The following PTK7 variants were observed in gnomAD, a reference collection of about 807,000 sequenced individuals.
PTK7 encodes the protein inactive tyrosine-protein kinase 7.
PTK7 carries 39 observed loss-of-function variants against 116.6 expected under a neutral mutation model. That is an observed-to-expected ratio of 0.33 (90% CI 0.26 to 0.44). PTK7 has a LOEUF of 0.44. Among genes scored for constraint, PTK7 ranks in the 20% least tolerant of loss-of-function variants. The pLI is 1.00. For missense variants in PTK7, 1,169 were observed against 1,425.6 expected, an observed-to-expected ratio of 0.82 and a Z score of 2.90; for synonymous variants, 546 against 563.6, an observed-to-expected ratio of 0.97 and a Z score of 0.44.
At chr6:43,109,811 G>A (rs1768091134) in intron 1 of PTK7, among the ~76,000 whole-genome samples, 1 of 150,800 alleles carries the variant, frequency 6.6e-6, no homozygotes, top group African/African-American at 2.4e-5. Flanking sequence ...CCATTCTCCT[G>A]GCTTAGCCTC....
intron 13 of PTK7, 144 bp downstream of exon 13, chr6:43,142,443 GCA>G (rs1770476501): frequency 7.9e-7 from 1 of 1,272,574 alleles, no homozygotes; most frequent in Non-Finnish European, 1.1e-6. Flanking sequence ...CCATGCTGCT[GCA>G]CAGTCTTAGA....
rs1449756845 is a variant in PTK7, at chr6:43,143,451, C to T, written c.2082C>T (p.Gly694=). 6.2e-7 allele frequency: 1 copy of T among 1,613,998 alleles called. No individual in the cohort carries two copies. The highest frequency in any genetic ancestry group is 1.1e-5 in the South Asian group (1 of 91,082). The part of the protein sequence containing the change: ...KPVPEESEGP[G]SPPPYKMIQT... ...TGCCGGAGGAGTCGGAGGGCCCTGGCAGCCCTCCCCCCTACAAGATGATCC... is the reference window on the plus strand; with the variant it reads ...TGCCGGAGGAGTCGGAGGGCCCTGGTAGCCCTCCCCCCTACAAGATGATCC... The change falls in exon 14 of 20, where the codon GGC becomes GGT. Residue 694 remains glycine, a synonymous_variant. Coordinates refer to ENST00000230419, the MANE Select transcript of PTK7 (RefSeq NM_002821.5). The surrounding 1 kb of genome is among the most constrained non-coding windows in gnomAD (Gnocchi z 4.2).
At chr6:43,108,648 C>G (rs759208736) in intron 1 of PTK7, among the ~76,000 whole-genome samples, 6 of 151,164 alleles carry the variant, frequency 4.0e-5, no homozygotes, top group African/African-American at 1.2e-4. Context: ...GCGATCCACC[C>G]GCCTCGGCCT....
At chr6:43,125,271 C>T (rs781359567) in intron 1 of PTK7, among the ~76,000 whole-genome samples, 7 of 152,344 alleles carry the variant, frequency 4.6e-5, no homozygotes, top group African/African-American at 7.2e-5. Context: ...GAGGCCCCCT[C>T]GGGGCCAGCT....
At chr6:43,109,202 T>C (rs932241194) in intron 1 of PTK7, among the ~76,000 whole-genome samples, 4 of 152,242 alleles carry the variant, frequency 2.6e-5, no homozygotes, top group Admixed American at 1.3e-4. Flanking sequence ...CCTGAACCTT[T>C]TTATTTATCT....
Position 43,146,653 on chromosome 6 carries a change from C to G in PTK7, c.2676C>G (p.Ser892Arg). Reference sequence around the variant, plus strand: ...AGCAGTTCCTGAGGATTTCCAAGAGCAAGGATGAAAAATTGAAGTCACAGC... The same window carrying G: ...AGCAGTTCCTGAGGATTTCCAAGAGGAAGGATGAAAAATTGAAGTCACAGC... ...DLKQFLRISKSKDEKLKSQPL... is the reference protein window; with the variant it reads ...DLKQFLRISKRKDEKLKSQPL... The change falls in exon 17 of 20, where the codon AGC (serine) becomes AGG (arginine). Residue 892 changes from serine to arginine, a missense_variant. Around this residue, in one of 3 missense-constraint regions of PTK7, gnomAD observed 678 missense variants for 853.8 expected, o/e 0.79. Transcript: ENST00000230419. The G allele has an allele frequency of 6.2e-7, 1 of 1,613,440 alleles. No individual in the cohort carries two copies. The highest frequency in any genetic ancestry group is 8.5e-7 in the Non-Finnish European group (1 of 1,179,904).
intron 10 of PTK7, among the ~76,000 whole-genome samples, chr6:43,140,731 T>A (rs1316827604): frequency 6.6e-6 from 1 of 152,082 alleles, no homozygotes; most frequent in African/African-American, 2.4e-5. Context: ...GTACAAAAAA[T>A]TTAAAAATTA....
In PTK7 at chr6:43,143,521, G is replaced by A; in HGVS notation, c.2152G>A (p.Ala718Thr). ...GGGTGCCGCTGTGGCCTACATCATT[G>A]CCGTGCTGGGCCTCATGTTCTACTG... ...SVGAAVAYII[A>T]VLGLMFYCKK... Residue 718 changes from alanine to threonine, a missense_variant, in exon 14 of 20, where the codon GCC becomes ACC. By Grantham distance (58) the Ala-to-Thr change is moderately conservative (BLOSUM62 0). Coordinates refer to ENST00000230419, the MANE Select transcript of PTK7 (RefSeq NM_002821.5). The surrounding 1 kb of genome is among the most constrained non-coding windows in gnomAD (Gnocchi z 4.2). 6.2e-7 allele frequency: 1 copy of A among 1,614,136 alleles called. No homozygotes were observed. The highest frequency in any genetic ancestry group is 8.5e-7 in the Non-Finnish European group (1 of 1,180,034).
chr6:43,118,975 G>A (rs1442098589), intron 1 of PTK7, among the ~76,000 whole-genome samples: 1 of 151,616 alleles, frequency 6.6e-6, no homozygotes, highest in Non-Finnish European at 1.5e-5. Context: ...TGCCCAGGCT[G>A]GTCTCAAACT....
chr6:43,140,174 C>T (rs1191472318), intron 10 of PTK7, among the ~76,000 whole-genome samples: 5 of 152,128 alleles, frequency 3.3e-5, no homozygotes, highest in South Asian at 4.1e-4. Context: ...AGAGGCCGGG[C>T]GTGGTGGCTC....
At position 43,129,709 on chromosome 6, in the gene PTK7, C is replaced by A. The variant is rs1302330979; in HGVS notation, c.368-18C>A. ...TGCCCTGCTCTGCCCCTCACTGCAA[C>A]CGTGGCCTCTGCTACAGGGATTGAG... On this transcript the variant is annotated intron_variant, in intron 2 of 19. Transcript: ENST00000230419. This position sits in a 1 kb window ranked among gnomAD's most constrained non-coding sequence, Gnocchi z 4.5. The A allele has an allele frequency of 1.2e-6, 2 of 1,611,744 alleles. No individual in the cohort carries two copies. The highest frequency in any genetic ancestry group is 2.2e-5 in the East Asian group (1 of 44,862).
intron 1 of PTK7, among the ~76,000 whole-genome samples, chr6:43,081,702 G>GC (rs1184125146): frequency 6.6e-6 from 1 of 152,220 alleles, no homozygotes; most frequent in Admixed American, 6.5e-5. Context: ...ACTGCACCCA[G>GC]CCGATATAAC....
intron 7 of PTK7, among the ~76,000 whole-genome samples, chr6:43,138,309 C>T (rs1362774642): frequency 1.3e-5 from 2 of 152,100 alleles, no homozygotes; most frequent in Non-Finnish European, 2.9e-5. Flanking sequence ...CCACTCCCTG[C>T]CTACCATAGG....
chr6:43,148,887 C>T (rs1770883413), intron 17 of PTK7, among the ~76,000 whole-genome samples: 1 of 150,802 alleles, frequency 6.6e-6, no homozygotes, highest in Admixed American at 6.6e-5. Flanking sequence ...GGTGAAACCC[C>T]GTCTCTACTA....
chr6:43,130,293 C>T lies in PTK7; in HGVS notation c.534C>T (p.Val178=), dbSNP rs760032225. The T allele has an allele frequency of 1.2e-5, 19 of 1,611,148 alleles. No homozygotes were observed. The highest frequency in any genetic ancestry group is 1.4e-5 in the Non-Finnish European group (16 of 1,178,112). The change falls in exon 4 of 20, where the codon GTC becomes GTT. Residue 178 remains valine, a synonymous_variant. Transcript: ENST00000230419. ...CTGATGGTCAGAGCAACCACACAGT[C>T]AGCAGCAAGGAGCGGAACCTGACGC... ...PLSDGQSNHT[V]SSKERNLTLR... is the part of the protein sequence containing the mutation.
rs1315693504 is a variant in PTK7 at position 43,139,512 on chromosome 6, G to A, written c.1605G>A (p.Lys535=). ...CAGGCCGAGAGAAGCCCACTATTAA[G>A]TGGGAACGGGCAGGTGGGTACAGTG... is the stretch of plus-strand genomic sequence containing the variant. The part of the protein sequence containing the change: ...SATGREKPTI[K]WERADGSSLP... The change falls in exon 10 of 20, where the codon AAG becomes AAA. Residue 535 remains lysine (K), a synonymous_variant. Transcript: ENST00000230419. The surrounding 1 kb of genome is among the most constrained non-coding windows in gnomAD (Gnocchi z 4.6). 6.2e-7 allele frequency: 1 copy of A among 1,614,086 alleles called. No homozygotes were observed. The highest frequency in any genetic ancestry group is 1.7e-5 in the Admixed American group (1 of 60,002).
In PTK7 at chr6:43,132,084, G is replaced by C. The variant is rs748100799; in HGVS notation, c.881G>C (p.Arg294Pro). Reference sequence around the variant, plus strand: ...CTGCTGCTGACCCAGGTCCGGCCACGCAATGCAGGGATCTACCGCTGCATT... The same window carrying C: ...CTGCTGCTGACCCAGGTCCGGCCACCCAATGCAGGGATCTACCGCTGCATT... ...GSLLLTQVRP[R>P]NAGIYRCIGQ... Residue 294 changes from arginine to proline, a missense_variant, in exon 6 of 20, where the codon CGC (arginine) becomes CCC (proline). By Grantham distance (103) the Arg-to-Pro change is moderately radical (BLOSUM62 -2). Around this residue, in one of 3 missense-constraint regions of PTK7, gnomAD observed 487 missense variants for 549.8 expected, o/e 0.89. Transcript: ENST00000230419. The C allele has an allele frequency of 6.2e-7, 1 of 1,614,100 alleles. No individual in the cohort carries two copies. Among genetic ancestry groups the C allele is most frequent in the East Asian group, 2.2e-5 (1 of 44,890 alleles).
At chr6:43,155,425 G>A (rs1158731656) in intron 17 of PTK7, among the ~76,000 whole-genome samples, 2 of 152,132 alleles carry the variant, frequency 1.3e-5, no homozygotes, top group East Asian at 3.9e-4. Flanking sequence ...GGTGGATCAC[G>A]AGGTTAGGGG....
chr6:43,132,841 C>G lies in PTK7; in HGVS notation c.1228+154C>G, dbSNP rs761942773. On this transcript the variant is annotated intron_variant, in intron 7 of 19. Transcript: ENST00000230419. ...GTTCACTACTGGGAGTCGGTGTAGA[C>G]AGTAGAGAGCCAGGCACAGGGGTTA... The G allele has an allele frequency of 8.4e-6, 9 of 1,073,244 alleles. No homozygotes were observed. The South Asian group carries it at 1.2e-4, about 14-fold the overall frequency. The allele number at this position is 1,073,244 out of a possible 1,614,324, so 66.5% of individuals were successfully genotyped here.
Sources: gnomAD v4.1 joint callset for allele counts (sites outside exome capture counted in the v4.1 genomes callset) on GRCh38, gnomAD v4.1.1 for gene constraint, gnomAD v4.1.1 regional missense constraint, Gnocchi (gnomAD v3.1) non-coding constraint, MANE v1.5 for transcripts, NCBI Gene and HGNC (gene_info 2026-07-23, HGNC 2026-07-21) for gene names.